GALNTL6: variants seen among roughly 807,000 people sequenced by gnomAD.
GALNTL6 encodes the protein polypeptide N-acetylgalactosaminyltransferase-like 6.
Under a neutral mutation model 73.7 loss-of-function variants are expected in GALNTL6, and 46 were observed. That is an observed-to-expected ratio of 0.62 (90% CI 0.49 to 0.80). GALNTL6 has a LOEUF of 0.80. Ranked by LOEUF, GALNTL6 falls within the 30% of genes least tolerant of loss-of-function variation. The pLI is 0.00. For synonymous variants in GALNTL6, 259 were observed against 263.7 expected (o/e 0.98, Z 0.17); for missense variants, 604 against 755.0 (o/e 0.80, Z 2.34).
chr4:172,516,523 G>A (rs542762281), intron 5 of GALNTL6, among the ~76,000 whole-genome samples: 3 of 152,038 alleles, frequency 2.0e-5, no homozygotes, highest in Admixed American at 6.5e-5. Flanking sequence ...TTTTCTAGTT[G>A]TCGTTCCAAC....
chr4:172,569,854 C>T (rs1736695795), intron 5 of GALNTL6, among the ~76,000 whole-genome samples: 3 of 152,124 alleles, frequency 2.0e-5, no homozygotes, highest in Admixed American at 1.3e-4. Context: ...CGAGGATATG[C>T]GAGGGATTAT....
intron 5 of GALNTL6, among the ~76,000 whole-genome samples, chr4:172,732,293 C>T (rs555125354): frequency 6.6e-6 from 1 of 152,194 alleles, no homozygotes; most frequent in South Asian, 2.1e-4. Flanking sequence ...TAGTGATCTT[C>T]CTTGTCTTTT....
At chr4:172,742,013 A>G (rs1478639520) in intron 5 of GALNTL6, among the ~76,000 whole-genome samples, 1 of 151,986 alleles carries the variant, frequency 6.6e-6, no homozygotes, top group East Asian at 1.9e-4. Context: ...GAAAAAACAT[A>G]TACTACACTG....
rs1748119618 is a variant in GALNTL6 at position 172,927,539 on chromosome 4, AGGCACAGAG to A, written c.1042-3620_1042-3612del. Among the ~76,000 whole-genome samples the A allele has an allele frequency of 2.6e-5, 4 of 152,176 alleles. 1 individual carries two copies. The South Asian group carries it at 8.3e-4, about 32-fold the overall frequency. ...TTTTGTGGGCCGCAAATTCAAAAAA[AGGCACAGAG>A]GAGATAGTTTGTTTCTGCTCTGTGA... On this transcript the variant is annotated intron_variant, in intron 8 of 12. Transcript: ENST00000506823.
intron 2 of GALNTL6, among the ~76,000 whole-genome samples, chr4:171,966,345 T>G (rs1739380762): frequency 6.6e-6 from 1 of 152,088 alleles, no homozygotes; most frequent in Admixed American, 6.6e-5. Flanking sequence ...TTAAGAAAGG[T>G]TTTTCTGTAA....
At chr4:172,326,146 T>C (rs1034790506) in intron 4 of GALNTL6, among the ~76,000 whole-genome samples, 4 of 151,914 alleles carry the variant, frequency 2.6e-5, no homozygotes, top group Non-Finnish European at 4.4e-5. Context: ...TATTTTTAAA[T>C]GAACAAAAAT....
intron 2 of GALNTL6, among the ~76,000 whole-genome samples, chr4:172,143,244 TAA>T (rs1733846439): frequency 6.6e-6 from 1 of 152,020 alleles, no homozygotes; most frequent in Non-Finnish European, 1.5e-5. Context: ...AATTTCAACT[TAA>T]GTTTATCTCT....
chr4:171,973,185 G>T (rs965290163), intron 2 of GALNTL6, among the ~76,000 whole-genome samples: 1 of 152,042 alleles, frequency 6.6e-6, no homozygotes, highest in African/African-American at 2.4e-5. Flanking sequence ...TTCTAAGTTT[G>T]TAATTTTATA....
At chr4:172,845,547 C>T (rs1476340467) in intron 7 of GALNTL6, among the ~76,000 whole-genome samples, 3 of 152,112 alleles carry the variant, frequency 2.0e-5, no homozygotes, top group Non-Finnish European at 4.4e-5. Context: ...GCATTGTTAG[C>T]AGTAATATAT....
chr4:171,921,808 A>G (rs1737796797), intron 2 of GALNTL6, among the ~76,000 whole-genome samples: 1 of 152,078 alleles, frequency 6.6e-6, no homozygotes, highest in African/African-American at 2.4e-5. Flanking sequence ...ACCTAGTGCA[A>G]TCCTTCATTT....
At chr4:172,336,276 T>TG (rs1554014959) in intron 4 of GALNTL6, among the ~76,000 whole-genome samples, 3 of 132,542 alleles carry the variant, frequency 2.3e-5, no homozygotes, top group South Asian at 2.7e-4. Flanking sequence ...TTTTGTTTTG[T>TG]TTTTTTTTTT....
chr4:172,848,668 C>G (rs1457444830), intron 7 of GALNTL6, among the ~76,000 whole-genome samples: 1 of 152,100 alleles, frequency 6.6e-6, no homozygotes, highest in Non-Finnish European at 1.5e-5. Flanking sequence ...GGAAAGGATG[C>G]CACTATCTAA....
At chr4:171,997,783 T>C (rs1323144837) in intron 2 of GALNTL6, among the ~76,000 whole-genome samples, 6 of 151,778 alleles carry the variant, frequency 4.0e-5, no homozygotes, top group Non-Finnish European at 1.5e-5. Flanking sequence ...GTGGGGAACA[T>C]GAAAAAGAGA....
chr4:172,647,362 G>A (rs895872505), intron 5 of GALNTL6, among the ~76,000 whole-genome samples: 2 of 152,046 alleles, frequency 1.3e-5, no homozygotes, highest in African/African-American at 2.4e-5. Flanking sequence ...ATTATATCAC[G>A]TAGAATGAAA....
At chr4:172,558,444 A>T (rs1358869199) in intron 5 of GALNTL6, among the ~76,000 whole-genome samples, 7 of 152,176 alleles carry the variant, frequency 4.6e-5, no homozygotes, top group Non-Finnish European at 1.0e-4. Context: ...CTCTTAGTCC[A>T]ATAAGACTGG....
intron 5 of GALNTL6, among the ~76,000 whole-genome samples, chr4:172,805,364 A>T (rs925477466): frequency 6.6e-6 from 1 of 152,254 alleles, no homozygotes; most frequent in Non-Finnish European, 1.5e-5. Flanking sequence ...CAAAACTGCT[A>T]AATTTGGTAT....
intron 5 of GALNTL6, among the ~76,000 whole-genome samples, chr4:172,630,607 T>C (rs1210276022): frequency 6.6e-6 from 1 of 151,980 alleles, no homozygotes; most frequent in Non-Finnish European, 1.5e-5. Context: ...AGCCATCCAA[T>C]CCTCATCTTT....
At chr4:171,957,414 G>A (rs1242709995) in intron 2 of GALNTL6, among the ~76,000 whole-genome samples, 1 of 152,070 alleles carries the variant, frequency 6.6e-6, no homozygotes, top group Non-Finnish European at 1.5e-5. Context: ...TACTCACTTT[G>A]GTCCCTGGTA....
At chr4:172,881,971 A>G (rs1309553246) in intron 7 of GALNTL6, among the ~76,000 whole-genome samples, 2 of 152,034 alleles carry the variant, frequency 1.3e-5, no homozygotes, top group South Asian at 2.1e-4. Context: ...GGATCGATCA[A>G]GGTAATTAGG....
Sources: gnomAD v4.1 joint callset for allele counts (sites outside exome capture counted in the v4.1 genomes callset) on GRCh38, gnomAD v4.1.1 for gene constraint, MANE v1.5 for transcripts, NCBI Gene and HGNC (gene_info 2026-07-23, HGNC 2026-07-21) for gene names.